LIN9: variants seen among roughly 807,000 people sequenced by gnomAD.
LIN9 encodes the protein lin-9 DREAM MuvB core complex component.
In LIN9, 18 loss-of-function variants were observed where a neutral mutation model predicts 78.0. The observed-to-expected ratio is 0.23, with a 90% CI of 0.16 to 0.34. The LOEUF is 0.34. Ranked by LOEUF, LIN9 falls within the 10% of genes least tolerant of loss-of-function variation. The pLI is 1.00. For synonymous variants in LIN9, 192 were observed against 215.2 expected (o/e 0.89, Z 0.94); for missense variants, 451 against 644.1 (o/e 0.70, Z 3.25).
intron 4 of LIN9, among the ~76,000 whole-genome samples, chr1:226,290,272 GAA>G (rs1174627650): frequency 6.7e-6 from 1 of 150,134 alleles, no homozygotes; most frequent in Non-Finnish European, 1.5e-5. Flanking sequence ...TTAAACATAT[GAA>G]AAGTGTCTCA....
chr1:226,278,120 A>G (rs549836786), intron 6 of LIN9, among the ~76,000 whole-genome samples, 188 bp from the exon 7 acceptor site: 4 of 152,038 alleles, frequency 2.6e-5, no homozygotes, highest in Non-Finnish European at 5.9e-5. Context: ...TCCTGGACTC[A>G]AGTGCTGAGA....
chr1:226,237,632 C>CAAAA (rs1167453006), intron 12 of LIN9, among the ~76,000 whole-genome samples: 1 of 57,446 alleles, frequency 1.7e-5, no homozygotes, highest in Non-Finnish European at 3.3e-5. Context: ...AACTCTGTCT[C>CAAAA]AAAAAAAAAA....
chr1:226,250,973 G>A, intron 10 of LIN9, 54 bp from the exon 11 acceptor site: 1 of 854,978 alleles, frequency 1.2e-6, no homozygotes, highest in South Asian at 1.5e-5. Context: ...AGGTATATTG[G>A]TTAGACATTA....
intron 4 of LIN9, among the ~76,000 whole-genome samples, chr1:226,294,245 T>C (rs1199193363): frequency 5.4e-5 from 8 of 146,878 alleles, no homozygotes; most frequent in African/African-American, 1.5e-4. Context: ...GAGGCAGAGA[T>C]TGCAGTGAGC....
intron 10 of LIN9, among the ~76,000 whole-genome samples, chr1:226,251,569 C>T (rs1658838895): frequency 6.6e-6 from 1 of 152,180 alleles, no homozygotes; most frequent in African/African-American, 2.4e-5. Flanking sequence ...ACCATGCTGG[C>T]CAGACTGGTC....
chr1:226,305,608 G>GT (rs1206042645), intron 1 of LIN9, among the ~76,000 whole-genome samples: 1 of 151,332 alleles, frequency 6.6e-6, no homozygotes, highest in Non-Finnish European at 1.5e-5. Context: ...TTAACTGAAA[G>GT]TAAGGGGGGT....
At chr1:226,280,582 C>T (rs1168824929) in intron 6 of LIN9, among the ~76,000 whole-genome samples, 1 of 152,124 alleles carries the variant, frequency 6.6e-6, no homozygotes, top group Admixed American at 6.6e-5. Context: ...TCGAGACCAT[C>T]CTGGCCAATA....
At chr1:226,274,826 T>C (rs1033025318) in intron 7 of LIN9, among the ~76,000 whole-genome samples, 1 of 152,180 alleles carries the variant, frequency 6.6e-6, no homozygotes, top group Non-Finnish European at 1.5e-5. Flanking sequence ...AAATTCATTT[T>C]CTTTATCTGA....
At chr1:226,264,207 C>T (rs569879307) in intron 10 of LIN9, among the ~76,000 whole-genome samples, 3 of 151,204 alleles carry the variant, frequency 2.0e-5, no homozygotes, top group East Asian at 2.0e-4. Flanking sequence ...GGTGAAACCC[C>T]GTCTCTACTA....
intron 1 of LIN9, among the ~76,000 whole-genome samples, chr1:226,302,050 C>A (rs941653487): frequency 3.9e-5 from 6 of 152,128 alleles, no homozygotes; most frequent in Non-Finnish European, 7.3e-5. Context: ...GCCTGACAGA[C>A]AGAGTACGAC....
chr1:226,305,302 T>C (rs1244757753), intron 1 of LIN9, among the ~76,000 whole-genome samples: 4 of 118,544 alleles, frequency 3.4e-5, no homozygotes, highest in Non-Finnish European at 6.6e-5. Flanking sequence ...AGACCTCGTC[T>C]CTACAAAAAA....
At chr1:226,297,918 ATGG>A in intron 2 of LIN9, 105 bp from the exon 3 acceptor site, 1 of 447,034 alleles carries the variant, frequency 2.2e-6, no homozygotes, top group African/African-American at 2.0e-5. Flanking sequence ...AATATTTAAT[ATGG>A]AAAAAATATA....
chr1:226,309,328 A>C (rs887340090), upstream of LIN9: 174 of 998,924 alleles, frequency 1.7e-4, no homozygotes, highest in African/African-American at 2.9e-3. Flanking sequence ...GGTGCCGCCG[A>C]AGGGGGGCCG....
At chr1:226,276,624 A>G (rs754296148) in intron 7 of LIN9, among the ~76,000 whole-genome samples, 11 of 152,194 alleles carry the variant, frequency 7.2e-5, no homozygotes, top group Non-Finnish European at 1.6e-4. Context: ...AAATGATATA[A>G]ATATGTAACT....
chr1:226,232,519 A>G lies in LIN9; in HGVS notation c.1611T>C (p.Asn537=). 3 of 1,609,326 alleles carry G rather than the reference A, an allele frequency of 1.9e-6. No individual in the cohort carries two copies. The highest frequency in any genetic ancestry group is 4.5e-5 in the East Asian group (2 of 44,768). Residue 537 remains asparagine, a synonymous_variant, in exon 15 of 15, where the codon AAT becomes AAC. Transcript: ENST00000681046. Reference sequence around the variant, plus strand: ...TCTTTACTCAGTCTCTGTTGGTGTTATTTGCTGCAAAGGCATGTAAGTTTC... The same window carrying G: ...TCTTTACTCAGTCTCTGTTGGTGTTGTTTGCTGCAAAGGCATGTAAGTTTC... ...QMGNLHAFAA[N]NTNRD is the part of the protein sequence containing the mutation.
At chr1:226,289,150 G>A (rs1576344479) in intron 4 of LIN9, among the ~76,000 whole-genome samples, 2 of 152,046 alleles carry the variant, frequency 1.3e-5, no homozygotes, top group African/African-American at 4.8e-5. Flanking sequence ...CAGAAGACTA[G>A]CTTGAACCTG....
At chr1:226,256,775 G>T (rs1284678353) in intron 10 of LIN9, among the ~76,000 whole-genome samples, 1 of 151,776 alleles carries the variant, frequency 6.6e-6, no homozygotes, top group African/African-American at 2.4e-5. Flanking sequence ...AGTCAGGATG[G>T]TCTGGATCTC....
At position 226,231,291 on chromosome 1, in the gene LIN9, G is replaced by T. The variant is rs915091385; in HGVS notation, c.*1210C>A. 1.3e-5 allele frequency: 2 copies of T among 152,390 alleles called. No homozygotes were observed. Among genetic ancestry groups the T allele is most frequent in the African/African-American group, 4.8e-5 (2 of 41,360 alleles). The allele number at this position is 152,390 out of a possible 1,614,324, so 9.4% of individuals were successfully genotyped here. A position where few individuals can be genotyped will look rare whatever the true frequency, so the allele number is the denominator to read the frequency against. Reference sequence around the variant, plus strand: ...TCTGCAGTGGCACAATACCAACAAAGAATACGGAAGCCTTTTTAAACTATA... The same window carrying T: ...TCTGCAGTGGCACAATACCAACAAATAATACGGAAGCCTTTTTAAACTATA... On this transcript the variant is annotated 3_prime_UTR_variant, in exon 15 of 15. Transcript: ENST00000681046.
chr1:226,268,936 T>C (rs554440785), intron 7 of LIN9, among the ~76,000 whole-genome samples: 3 of 152,346 alleles, frequency 2.0e-5, no homozygotes, highest in African/African-American at 7.2e-5. Flanking sequence ...CATGAGTACA[T>C]GTGCTGAGTA....
Sources: gnomAD v4.1 joint callset for allele counts (sites outside exome capture counted in the v4.1 genomes callset) on GRCh38, gnomAD v4.1.1 for gene constraint, MANE v1.5 for transcripts, NCBI Gene and HGNC (gene_info 2026-07-23, HGNC 2026-07-21) for gene names.